The following TIGAR variants were observed in gnomAD, a reference collection of about 807,000 sequenced individuals.
TIGAR encodes fructose-2,6-bisphosphatase TIGAR.
In TIGAR, 7 loss-of-function variants were observed where a neutral mutation model predicts 17.9. The observed-to-expected ratio is 0.39, with a 90% CI of 0.22 to 0.73. The LOEUF (loss-of-function observed/expected upper bound fraction) is 0.73. Ranked by LOEUF, TIGAR falls within the 30% of genes least tolerant of loss-of-function variation. The probability of loss-of-function intolerance (pLI) is 0.42; values close to 1 mark genes in which losing one functional copy is unlikely to be tolerated. For synonymous variants in TIGAR, 94 were observed against 108.6 expected (o/e 0.87, Z 0.84); for missense variants, 258 against 327.4 (o/e 0.79, Z 1.64).
rs4026708 is a variant in TIGAR at position 4,358,103 on chromosome 12, CAAA to C, written c.*5428_*5430del. On this transcript the variant is annotated 3_prime_UTR_variant, in exon 6 of 6. Transcript: ENST00000179259. The stretch of plus-strand genomic sequence containing the variant: ...TGGGTGACAGAGCAAGACTGGGTCT[CAAA>C]AAAAAAAAAAAAAAATCATTTGATA... Among the ~76,000 whole-genome samples the C allele has an allele frequency of 7.5e-4, 92 of 123,246 alleles. No individual in the cohort carries two copies. Among genetic ancestry groups the C allele is most frequent in the African/African-American group, 2.0e-3 (65 of 31,912 alleles). The allele number at this position is 123,246 out of a possible 152,430, so 80.9% of individuals were successfully genotyped here.
rs1864851813 is a variant in TIGAR, at chr12:4,352,799, CA to C, written c.*110del. 1.0e-6 allele frequency: 1 copy of C among 1,002,978 alleles called. No individual in the cohort carries two copies. Among genetic ancestry groups the C allele is most frequent in the Non-Finnish European group, 1.4e-6 (1 of 699,990 alleles). The allele number at this position is 1,002,978 out of a possible 1,614,324, so 62.1% of individuals were successfully genotyped here. On this transcript the variant is annotated 3_prime_UTR_variant, in exon 6 of 6. Transcript: ENST00000179259. ...TTCTGATTTGGAAACAGTTAAAAGC[CA>C]ATTTTTAGCTCCAGTGGAACCATAG...
chr12:4,341,543 TC>T (rs1480086390), intron 3 of TIGAR, among the ~76,000 whole-genome samples: 2 of 152,156 alleles, frequency 1.3e-5, no homozygotes, highest in South Asian at 2.1e-4. Flanking sequence ...AGACAAAACT[TC>T]CAGAGGAGCG....
intron 2 of TIGAR, among the ~76,000 whole-genome samples, chr12:4,336,446 G>A (rs1024116427): frequency 1.4e-5 from 2 of 138,468 alleles, no homozygotes; most frequent in African/African-American, 5.4e-5. Flanking sequence ...CAGCAATGCA[G>A]CACACACACA....
At chr12:4,340,948 A>G (rs962193749) in intron 3 of TIGAR, among the ~76,000 whole-genome samples, 3 of 152,216 alleles carry the variant, frequency 2.0e-5, no homozygotes, top group Non-Finnish European at 2.9e-5. Context: ...ACAAGAAAAC[A>G]TTGGGGAAAC....
intron 5 of TIGAR, 89 bp downstream of exon 5, chr12:4,351,466 T>A: frequency 1.0e-6 from 1 of 974,088 alleles, no homozygotes; most frequent in Non-Finnish European, 1.6e-6. Flanking sequence ...GAAAGTTGCT[T>A]GGTTCATTCT....
intron 4 of TIGAR, 131 bp from the exon 5 acceptor site, chr12:4,351,136 A>T: frequency 1.3e-6 from 1 of 746,478 alleles, no homozygotes; most frequent in Non-Finnish European, 2.3e-6. Context: ...AGTTCAGAGG[A>T]GATAGAATCA....
rs745925359 is a variant in TIGAR at position 4,349,828 on chromosome 12, G to A, written c.202G>A (p.Gly68Arg). The A allele has an allele frequency of 9.5e-6, 15 of 1,581,568 alleles. No individual in the cohort carries two copies. The highest frequency in any genetic ancestry group is 1.2e-5 in the Non-Finnish European group (14 of 1,168,448). ...DLMRTKQTMH[G>R]ILERSKFCKD... is the part of the protein sequence containing the mutation. Reference sequence around the variant, plus strand: ...TTGTCTTGATTTTCAGACCATGCATGGAATTTTGGAGAGAAGCAAATTTTG... The same window carrying A: ...TTGTCTTGATTTTCAGACCATGCATAGAATTTTGGAGAGAAGCAAATTTTG... Residue 68 changes from glycine (G) to arginine (R), a missense_variant, in exon 4 of 6, where the codon GGA (glycine) becomes AGA (arginine). By Grantham distance (125) the Gly-to-Arg change is moderately radical (BLOSUM62 -2). Transcript: ENST00000179259.
intron 5 of TIGAR, among the ~76,000 whole-genome samples, chr12:4,351,631 AGTGGCTTAGTG>A (rs1272432147): frequency 3.9e-5 from 6 of 152,230 alleles, no homozygotes; most frequent in African/African-American, 1.4e-4. Flanking sequence ...AATATGAAGC[AGTGGCTTAGTG>A]GTGGGAGTGG....
chr12:4,351,125 C>T (rs1001810511), intron 4 of TIGAR, 142 bp from the exon 5 acceptor site: 5 of 671,974 alleles, frequency 7.4e-6, no homozygotes, highest in Non-Finnish European at 1.0e-5. Flanking sequence ...TTCTCATTAT[C>T]AGTTCAGAGG....
chr12:4,321,450 C>G lies in TIGAR; in HGVS notation c.32+147C>G, dbSNP rs1864476547. 1 of 1,194,950 alleles carries G rather than the reference C, an allele frequency of 8.4e-7. No homozygotes were observed. Among genetic ancestry groups the G allele is most frequent in the Non-Finnish European group, 1.2e-6 (1 of 853,430 alleles). 74.0% of individuals were successfully genotyped at this position (1,194,950 alleles called of 1,614,324 possible). A position where few individuals can be genotyped will look rare whatever the true frequency, so the allele number is the denominator to read the frequency against. ...GCTTGGAAGCGCTTTTTCCGGGGCG[C>G]TTGCCCTGGGGCCGTCCCGTGTCGC... On this transcript the variant is annotated intron_variant, in intron 1 of 5. Transcript: ENST00000179259. This position sits in a 1 kb window ranked among gnomAD's most constrained non-coding sequence, Gnocchi z 5.2.
At chr12:4,351,091 G>A (rs1470215855) in intron 4 of TIGAR, among the ~76,000 whole-genome samples, 176 bp from the exon 5 acceptor site, 2 of 152,140 alleles carry the variant, frequency 1.3e-5, no homozygotes, top group Non-Finnish European at 2.9e-5. Flanking sequence ...ATTTTCTAAG[G>A]TTCATGGCCC....
chr12:4,344,176 GGAA>G (rs2120680339), intron 3 of TIGAR, among the ~76,000 whole-genome samples: 1 of 152,286 alleles, frequency 6.6e-6, no homozygotes, highest in South Asian at 2.1e-4. Flanking sequence ...GACTAAAACA[GGAA>G]GAAGTTGAAT....
At chr12:4,342,207 A>G (rs368124663) in intron 3 of TIGAR, among the ~76,000 whole-genome samples, 1 of 152,178 alleles carries the variant, frequency 6.6e-6, no homozygotes, top group African/African-American at 2.4e-5. Flanking sequence ...AAAGAAATGA[A>G]CAAAGCCTCC....
intron 3 of TIGAR, among the ~76,000 whole-genome samples, chr12:4,347,895 G>A (rs1014072866): frequency 6.6e-6 from 1 of 152,160 alleles, no homozygotes; most frequent in African/African-American, 2.4e-5. Flanking sequence ...CAGCACTTTG[G>A]GAGGCCGAAG....
At position 4,355,090 on chromosome 12, in the gene TIGAR, C is replaced by A. The variant is rs1471264473; in HGVS notation, c.*2399C>A. Reference sequence around the variant, plus strand: ...TTAAGACAAACCAATATACCTTATCCTTTATGGGGTTTTTTTGGTGTGTAT... The same window carrying A: ...TTAAGACAAACCAATATACCTTATCATTTATGGGGTTTTTTTGGTGTGTAT... On this transcript the variant is annotated 3_prime_UTR_variant, in exon 6 of 6. Coordinates refer to ENST00000179259, the MANE Select transcript of TIGAR (RefSeq NM_020375.3). Among the ~76,000 whole-genome samples, 1 of 151,942 alleles carries A rather than the reference C, an allele frequency of 6.6e-6. No individual in the cohort carries two copies. Among genetic ancestry groups the A allele is most frequent in the Non-Finnish European group, 1.5e-5 (1 of 67,984 alleles).
chr12:4,326,323 G>T (rs1864545766), intron 1 of TIGAR, among the ~76,000 whole-genome samples: 1 of 152,160 alleles, frequency 6.6e-6, no homozygotes, highest in African/African-American at 2.4e-5. Flanking sequence ...TAGATTAATA[G>T]TAAAACTGTT....
chr12:4,334,085 A>G (rs1864633375), intron 2 of TIGAR, among the ~76,000 whole-genome samples: 1 of 150,536 alleles, frequency 6.6e-6, no homozygotes. Flanking sequence ...TACTTTCCCC[A>G]CTACCTTTCA....
chr12:4,340,632 C>T (rs1864709222), intron 3 of TIGAR, among the ~76,000 whole-genome samples: 1 of 152,168 alleles, frequency 6.6e-6, no homozygotes, highest in South Asian at 2.1e-4. Context: ...AATCACAGTA[C>T]CTGACTTCAA....
At chr12:4,324,587 C>A (rs1297727814) in intron 1 of TIGAR, 1 of 1,597,824 alleles carries the variant, frequency 6.3e-7, no homozygotes, top group Non-Finnish European at 8.5e-7. Flanking sequence ...GTCTTCACCA[C>A]TTCCGGCTTC....
Sources: allele counts gnomAD v4.1 joint callset (sites outside exome capture counted in the v4.1 genomes callset), GRCh38; gene constraint gnomAD v4.1.1; non-coding constraint Gnocchi (gnomAD v3.1); transcripts MANE v1.5; gene names NCBI Gene and HGNC (gene_info 2026-07-23, HGNC 2026-07-21).